The following APOOL variants were observed in gnomAD, a reference collection of about 807,000 sequenced individuals.
APOOL encodes the protein apolipoprotein O like, also known as MICOS complex subunit MIC27.
In APOOL, 12 loss-of-function variants were observed where a neutral mutation model predicts 23.1. That is an observed-to-expected ratio of 0.52 (90% confidence interval 0.33 to 0.84). APOOL has a LOEUF of 0.84. Ranked by LOEUF, APOOL falls within the 40% of genes least tolerant of loss-of-function variation. The probability of loss-of-function intolerance (pLI) is 0.02; values close to 1 mark genes in which losing one functional copy is unlikely to be tolerated. For synonymous variants in APOOL, 77 were observed against 69.9 expected, an observed-to-expected ratio of 1.10 and a Z score of -0.51; for missense variants, 212 against 199.6, an observed-to-expected ratio of 1.06 and a Z score of -0.37.
rs766497759 is a variant in APOOL at position 85,088,316 on chromosome X, G to GTTTTTTTTTTTTTTTTTT, written c.*650_*667dup. On this transcript the variant is annotated 3_prime_UTR_variant, in exon 9 of 9. Coordinates refer to ENST00000373173, the MANE Select transcript of APOOL (RefSeq NM_198450.6). ...TGTATGGAAAGGTGTGTTTCCCTCT[G>GTTTTTTTTTTTTTTTTTT]TTTTTTTTTTTTTTTTTTTTTTTTT... is the stretch of plus-strand genomic sequence containing the variant. 1.8e-4 allele frequency: 4 copies of GTTTTTTTTTTTTTTTTTT among 22,533 alleles called. 2 individuals are homozygous for GTTTTTTTTTTTTTTTTTT. The highest frequency in any genetic ancestry group is 1.5e-3 in the Admixed American group (2 of 1,357). The allele number at this position is 22,533 out of a possible 1,213,427, so 1.9% of individuals were successfully genotyped here. A position where few individuals can be genotyped will look rare whatever the true frequency, so the allele number is the denominator to read the frequency against.
intron 1 of APOOL, among the ~76,000 whole-genome samples, chrX:85,036,648 C>G (rs1315989858): frequency 9.0e-6 from 1 of 110,749 alleles, no homozygotes; most frequent in Non-Finnish European, 1.9e-5. Flanking sequence ...TCCTTTGATG[C>G]CTAATTTGTT....
chrX:85,034,537 A>T (rs1922148810), intron 1 of APOOL, among the ~76,000 whole-genome samples: 1 of 110,855 alleles, frequency 9.0e-6, no homozygotes, highest in Non-Finnish European at 1.9e-5. Context: ...ATATTGAATG[A>T]TGCTGATGTA....
At position 85,074,131 on chromosome X, in the gene APOOL, A is replaced by C; in HGVS notation, c.600+20A>C. On this transcript the variant is annotated intron_variant, in intron 7 of 8. Coordinates refer to ENST00000373173, the MANE Select transcript of APOOL (RefSeq NM_198450.6). ...ACTAAGGTAGAGTTTACATGGAGCA[A>C]GACGGTCAACATTGAGTTTTGTTTG... 1 of 1,152,783 alleles carries C rather than the reference A, an allele frequency of 8.7e-7. No individual in the cohort carries two copies. The highest frequency in any genetic ancestry group is 1.2e-6 in the Non-Finnish European group (1 of 860,246).
rs753792615 is a variant in APOOL at position 85,051,456 on chromosome X, T to C, written c.188T>C (p.Met63Thr). ...GAAGAGCAGCCTGGTCATTTACAAA[T>C]GGGCTTTGCTTCCATCCGCACTGCA... ...YVEEQPGHLQ[M>T]GFASIRTATG... Residue 63 changes from methionine (M) to threonine (T), a missense_variant, in exon 3 of 9, where the codon ATG becomes ACG. Coordinates refer to ENST00000373173, the MANE Select transcript of APOOL (RefSeq NM_198450.6). The C allele has an allele frequency of 6.6e-6, 8 of 1,209,234 alleles. No individual in the cohort carries two copies. Among genetic ancestry groups the C allele is most frequent in the Middle Eastern group, 2.3e-4 (1 of 4,320 alleles).
At chrX:85,051,213 T>A (rs1922756699) in intron 2 of APOOL, among the ~76,000 whole-genome samples, 176 bp from the exon 3 acceptor site, 1 of 111,930 alleles carries the variant, frequency 8.9e-6, no homozygotes, top group South Asian at 3.7e-4. Context: ...TTAAACGGTC[T>A]TTATAAACAG....
chrX:85,054,950 G>T (rs1268557030), intron 4 of APOOL, among the ~76,000 whole-genome samples: 1 of 111,710 alleles, frequency 9.0e-6, no homozygotes, highest in Non-Finnish European at 1.9e-5. Flanking sequence ...TTAAGCTAAT[G>T]GTTAAAAAGC....
rs140639054 is a variant in APOOL at position 85,013,173 on chromosome X, G to A, written c.15+9246G>A. Among the ~76,000 whole-genome samples, 389 of 111,761 alleles carry A rather than the reference G, an allele frequency of 3.5e-3. 18 individuals are homozygous for A. The East Asian group carries it at 0.1, about 29-fold the overall frequency. Reference sequence around the variant, plus strand: ...GATCTTTTGCATTTCTATGGTATCAGTTGTAATATCTCCCTTTTCATTTCT... The same window carrying A: ...GATCTTTTGCATTTCTATGGTATCAATTGTAATATCTCCCTTTTCATTTCT... On this transcript the variant is annotated intron_variant, in intron 1 of 8. Transcript: ENST00000373173.
At chrX:85,065,062 C>CTGGG (rs1923400218) in intron 5 of APOOL, among the ~76,000 whole-genome samples, 4 of 111,508 alleles carry the variant, frequency 3.6e-5, no homozygotes, top group African/African-American at 1.3e-4. Context: ...CTGGGTGTTC[C>CTGGG]TGTATTGAGT....
At chrX:85,053,022 T>C (rs1011401609) in intron 3 of APOOL, among the ~76,000 whole-genome samples, 11 of 111,777 alleles carry the variant, frequency 9.8e-5, no homozygotes, top group Non-Finnish European at 2.1e-4. Context: ...CAATTTTTTT[T>C]CCTAATTTTC....
At chrX:85,048,911 AT>A (rs1158230654) in intron 2 of APOOL, among the ~76,000 whole-genome samples, 1 of 110,696 alleles carries the variant, frequency 9.0e-6, no homozygotes, top group African/African-American at 3.3e-5. Flanking sequence ...TGAGACAATC[AT>A]TTTTTTTAAC....
chrX:85,087,803 T>G lies in APOOL; in HGVS notation c.*125T>G, dbSNP rs1327186290. 1 of 535,334 alleles carries G rather than the reference T, an allele frequency of 1.9e-6. No homozygotes were observed. Among genetic ancestry groups the G allele is most frequent in the African/African-American group, 2.4e-5 (1 of 40,880 alleles). The allele number at this position is 535,334 out of a possible 1,213,427, so 44.1% of individuals were successfully genotyped here. On this transcript the variant is annotated 3_prime_UTR_variant, in exon 9 of 9. Coordinates refer to ENST00000373173, the MANE Select transcript of APOOL (RefSeq NM_198450.6). ...TATTACCTAAACCAAGTTTCTCCCT[T>G]ACATTTCCAAATATGCCATTTGATA...
chrX:85,005,022 T>C (rs1374450069), intron 1 of APOOL, among the ~76,000 whole-genome samples: 5 of 111,524 alleles, frequency 4.5e-5, no homozygotes, highest in South Asian at 7.7e-4. Flanking sequence ...CCCATGCTTA[T>C]CTAGTTGTAT....
rs1491302176 is a variant in APOOL, at chrX:85,089,965, G to GC, written c.*2288dup. 2.3e-5 allele frequency: 1 copy of GC among 42,861 alleles called. No homozygotes were observed. The highest frequency in any genetic ancestry group is 4.5e-5 in the Non-Finnish European group (1 of 22,065). The allele number at this position is 42,861 out of a possible 1,213,427, so 3.5% of individuals were successfully genotyped here. ...AAACAAATATTTAATATTAGCTTAA[G>GC]CAAAAAAAAAAAAAAAGGCCTATCC... On this transcript the variant is annotated 3_prime_UTR_variant, in exon 9 of 9. Coordinates refer to ENST00000373173, the MANE Select transcript of APOOL (RefSeq NM_198450.6).
chrX:85,050,606 C>CAA (rs58559539), intron 2 of APOOL, among the ~76,000 whole-genome samples: 1 of 62,112 alleles, frequency 1.6e-5, no homozygotes, highest in African/African-American at 5.4e-5. Flanking sequence ...AATATAAAAG[C>CAA]AAAAAAAAAA....
chrX:85,033,293 T>C (rs764296976), intron 1 of APOOL, among the ~76,000 whole-genome samples: 2 of 112,300 alleles, frequency 1.8e-5, no homozygotes, highest in South Asian at 7.4e-4. Context: ...CCATTGCTAT[T>C]ATATTAGACC....
At chrX:85,071,544 T>C (rs1397962480) in intron 6 of APOOL, among the ~76,000 whole-genome samples, 1 of 110,597 alleles carries the variant, frequency 9.0e-6, no homozygotes, top group Admixed American at 9.7e-5. Context: ...GGAATACAGA[T>C]CTAATCATAA....
At chrX:85,059,650 GT>G (rs1923115214) in intron 5 of APOOL, among the ~76,000 whole-genome samples, 1 of 109,846 alleles carries the variant, frequency 9.1e-6, no homozygotes, top group East Asian at 2.9e-4. Context: ...ATTTTTTCAT[GT>G]GTTTTTTGGC....
At chrX:85,071,183 C>G (rs1411908706) in intron 6 of APOOL, among the ~76,000 whole-genome samples, 1 of 110,105 alleles carries the variant, frequency 9.1e-6, no homozygotes, top group African/African-American at 3.3e-5. Context: ...TGAAATACGG[C>G]GAGTATTTCA....
chrX:85,084,302 A>AT (rs1324312140), intron 8 of APOOL, among the ~76,000 whole-genome samples: 1 of 108,304 alleles, frequency 9.2e-6, no homozygotes, highest in Non-Finnish European at 1.9e-5. Context: ...AACCCAGCTA[A>AT]TTTTTTGTAT....
Sources: allele counts gnomAD v4.1 joint callset (sites outside exome capture counted in the v4.1 genomes callset), GRCh38; gene constraint gnomAD v4.1.1; transcripts MANE v1.5; gene names NCBI Gene and HGNC (gene_info 2026-07-23, HGNC 2026-07-21).